The following TRPM3 variants were observed in gnomAD, a reference collection of about 807,000 sequenced individuals.
TRPM3 encodes transient receptor potential cation channel subfamily M member 3, also known as long transient receptor potential channel 3.
In TRPM3, 77 loss-of-function variants were observed where a neutral mutation model predicts 181.2. The ratio of observed to expected loss-of-function variants is 0.42; its 90% CI spans 0.35 to 0.51. The LOEUF (loss-of-function observed/expected upper bound fraction) is 0.51. Ranked by LOEUF, TRPM3 falls within the 20% of genes least tolerant of loss-of-function variation. TRPM3 has a pLI of 0.01. For synonymous variants in TRPM3, 745 were observed against 796.4 expected, an observed-to-expected ratio of 0.94 and a Z score of 1.09; for missense variants, 1,759 against 2,196.7, an observed-to-expected ratio of 0.80 and a Z score of 3.98.
At chr9:70,778,276 C>T (rs1256367152) in intron 7 of TRPM3, among the ~76,000 whole-genome samples, 1 of 152,124 alleles carries the variant, frequency 6.6e-6, no homozygotes, top group East Asian at 1.9e-4. Flanking sequence ...ATGCGCCACG[C>T]ATTTATTTTA....
At chr9:70,670,077 G>C (rs1214270297) in intron 9 of TRPM3, among the ~76,000 whole-genome samples, 1 of 151,994 alleles carries the variant, frequency 6.6e-6, no homozygotes, top group East Asian at 1.9e-4. Context: ...GAGAAGGAGT[G>C]GTGGTGGTGG....
chr9:71,350,319 T>C (rs1383472553), intron 1 of TRPM3, among the ~76,000 whole-genome samples: 3 of 152,194 alleles, frequency 2.0e-5, no homozygotes, highest in Non-Finnish European at 4.4e-5. Flanking sequence ...CTAGTTTTCA[T>C]AAAAATTCTT....
chr9:70,984,612 G>C (rs1311650644), intron 1 of TRPM3, among the ~76,000 whole-genome samples: 1 of 152,202 alleles, frequency 6.6e-6, no homozygotes, highest in Non-Finnish European at 1.5e-5. Flanking sequence ...CAAGGATTAT[G>C]CACAACAGGG....
intron 12 of TRPM3, among the ~76,000 whole-genome samples, chr9:70,630,042 G>C (rs1175708503): frequency 6.6e-6 from 1 of 152,222 alleles, no homozygotes; most frequent in Non-Finnish European, 1.5e-5. Context: ...ACTGGGACCT[G>C]TGGATGTCAC....
Position 70,864,527 on chromosome 9 carries a change from A to AAAAC in TRPM3, c.178-17_178-16insGTTT. On this transcript the variant is annotated splice_polypyrimidine_tract_variant and intron_variant, in intron 1 of 25. Coordinates refer to ENST00000677713, the MANE Select transcript of TRPM3 (RefSeq NM_001366145.2). ...ATTTCTGAGCCTGAAAAAGAAAACA[A>AAAAC]AAAAAAAAAAAAAAGAAAAAAGAAA... 10 of 1,287,486 alleles carry AAAAC rather than the reference A, an allele frequency of 7.8e-6. No homozygotes were observed. The highest frequency in any genetic ancestry group is 9.2e-6 in the Non-Finnish European group (9 of 979,552). 79.8% of individuals were successfully genotyped at this position (1,287,486 alleles called of 1,614,324 possible). A position where few individuals can be genotyped will look rare whatever the true frequency, so the allele number is the denominator to read the frequency against.
At chr9:70,761,572 C>T in intron 8 of TRPM3, 29 bp downstream of exon 8, 1 of 1,613,900 alleles carries the variant, frequency 6.2e-7, no homozygotes, top group Non-Finnish European at 8.5e-7. Context: ...AATGTGGAGA[C>T]AGCTGGCCAC....
intron 1 of TRPM3, among the ~76,000 whole-genome samples, chr9:71,224,886 G>A (rs908218236): frequency 2.6e-5 from 4 of 152,048 alleles, no homozygotes; most frequent in East Asian, 1.9e-4. Flanking sequence ...AAATTAGTGC[G>A]CTTAAAGACA....
intron 1 of TRPM3, among the ~76,000 whole-genome samples, chr9:71,036,976 C>T (rs943555395): frequency 6.6e-6 from 1 of 152,054 alleles, no homozygotes; most frequent in Admixed American, 6.6e-5. Flanking sequence ...TATGATGATA[C>T]AAAGCTATTA....
At chr9:70,744,887 G>A (rs2074866320) in intron 8 of TRPM3, among the ~76,000 whole-genome samples, 1 of 152,106 alleles carries the variant, frequency 6.6e-6, no homozygotes, top group African/African-American at 2.4e-5. Context: ...AAAGAGCCCA[G>A]GATTTGCAGA....
intron 9 of TRPM3, among the ~76,000 whole-genome samples, chr9:70,658,858 G>A (rs2060724228): frequency 6.6e-6 from 1 of 151,954 alleles, no homozygotes; most frequent in African/African-American, 2.4e-5. Flanking sequence ...AAGCAGAACA[G>A]GAATTAACAG....
chr9:71,101,056 G>A (rs1448389395), intron 1 of TRPM3, among the ~76,000 whole-genome samples: 2 of 151,996 alleles, frequency 1.3e-5, no homozygotes, highest in African/African-American at 4.8e-5. Flanking sequence ...TCTGGGCCAT[G>A]CCACACCAGA....
At chr9:70,833,078 G>A (rs1348399671) in intron 5 of TRPM3, among the ~76,000 whole-genome samples, 2 of 152,146 alleles carry the variant, frequency 1.3e-5, no homozygotes, top group Non-Finnish European at 2.9e-5. Flanking sequence ...TCTGTTTCCT[G>A]CCTCTAAAAT....
At chr9:70,552,703 A>G in intron 24 of TRPM3, 141 bp downstream of exon 24, 2 of 823,960 alleles carry the variant, frequency 2.4e-6, no homozygotes, top group Non-Finnish European at 2.1e-6. Context: ...CTCATCCCCC[A>G]ATGCTCTCCA....
chr9:71,427,065 T>G (rs913067696), intron 1 of TRPM3, among the ~76,000 whole-genome samples: 1 of 152,320 alleles, frequency 6.6e-6, no homozygotes, highest in South Asian at 2.1e-4. Context: ...TATTCACAAA[T>G]TCACTAAAAC....
At position 70,610,682 on chromosome 9, in the gene TRPM3, T is replaced by G. The variant is rs767584789; in HGVS notation, c.2594A>C (p.His865Pro). ...TTTTCTGCCGAGGGGGATTAACCGGTGCTTGCTCTGAACTTCCTCTTCATC... is the reference window on the plus strand; with the variant it reads ...TTTTCTGCCGAGGGGGATTAACCGGGGCTTGCTCTGAACTTCCTCTTCATC... ...KKDEEEVQSK[H>P]RLIPLGRKIY... is the part of the protein sequence containing the mutation. The change falls in exon 19 of 26, where the codon CAC becomes CCC. Residue 865 changes from histidine (H) to proline (P), a missense_variant. Physicochemically the swap from His to Pro is moderately conservative, Grantham distance 77. This residue lies in a region of TRPM3 where 114 missense variants were observed against 134.8 expected (regional missense o/e 0.85). Transcript: ENST00000677713. The G allele has an allele frequency of 1.2e-6, 2 of 1,614,190 alleles. No homozygotes were observed. The highest frequency in any genetic ancestry group is 8.5e-7 in the Non-Finnish European group (1 of 1,180,008).
chr9:71,404,975 A>T (rs1014380391), intron 1 of TRPM3, among the ~76,000 whole-genome samples: 4 of 152,028 alleles, frequency 2.6e-5, no homozygotes, highest in Non-Finnish European at 5.9e-5. Context: ...TTGGTCCATG[A>T]CCCCTTCGGC....
chr9:71,428,056 T>A (rs1271002535), intron 1 of TRPM3, among the ~76,000 whole-genome samples: 2 of 152,160 alleles, frequency 1.3e-5, no homozygotes, highest in African/African-American at 4.8e-5. Flanking sequence ...CATGGTATAG[T>A]CCATCCAGTA....
chr9:70,852,279 T>G (rs1340429168), intron 3 of TRPM3, among the ~76,000 whole-genome samples: 1 of 151,578 alleles, frequency 6.6e-6, no homozygotes, highest in Admixed American at 6.6e-5. Flanking sequence ...CACATACTCC[T>G]CCCAACAACA....
intron 22 of TRPM3, among the ~76,000 whole-genome samples, chr9:70,563,180 C>A (rs946767362): frequency 1.3e-5 from 2 of 152,186 alleles, no homozygotes; most frequent in African/African-American, 4.8e-5. Context: ...ACACAGGGAA[C>A]CTTTGCTTCT....
Sources: gnomAD v4.1 joint callset for allele counts (sites outside exome capture counted in the v4.1 genomes callset) on GRCh38, gnomAD v4.1.1 for gene constraint, gnomAD v4.1.1 regional missense constraint, MANE v1.5 for transcripts, NCBI Gene and HGNC (gene_info 2026-07-23, HGNC 2026-07-21) for gene names.